F11R: variants seen among roughly 807,000 people sequenced by gnomAD.
F11R encodes F11 receptor, also known as junctional adhesion molecule A.
A neutral mutation model predicts 39.3 loss-of-function variants in F11R; 27 were observed. That is an observed-to-expected ratio of 0.69 (90% CI 0.51 to 0.95). F11R has a LOEUF of 0.95. Ranked by LOEUF, F11R falls within the 40% of genes least tolerant of loss-of-function variation. The pLI is 0.00. For synonymous variants in F11R, 131 were observed against 144.9 expected (o/e 0.90, Z 0.69); for missense variants, 335 against 372.7 (o/e 0.90, Z 0.83).
intron 1 of F11R, among the ~76,000 whole-genome samples, chr1:161,014,248 T>G (rs1443877277): frequency 6.6e-6 from 1 of 152,214 alleles, no homozygotes; most frequent in Non-Finnish European, 1.5e-5. Context: ...GATAAACAAG[T>G]CTCATTATTA....
chr1:161,015,407 A>AAATATATAT (rs571469825), intron 1 of F11R, among the ~76,000 whole-genome samples: 6 of 136,136 alleles, frequency 4.4e-5, no homozygotes, highest in Non-Finnish European at 7.8e-5. Flanking sequence ...CAAAAAAAAA[A>AAATATATAT]ATATATATAT....
In F11R at chr1:160,998,249, CACA is replaced by C. The variant is rs1315226807; in HGVS notation, c.*619_*621del. 6.5e-6 allele frequency: 1 copy of C among 153,274 alleles called. No individual in the cohort carries two copies. The highest frequency in any genetic ancestry group is 1.9e-4 in the East Asian group (1 of 5,330). 9.5% of individuals were successfully genotyped at this position (153,274 alleles called of 1,614,324 possible). ...TTCTCTGAAAATTTACTATGCTCTCCACAACAAGAGCTCCCATTTTCCACAGAC... is the reference window on the plus strand; with the variant it reads ...TTCTCTGAAAATTTACTATGCTCTCCACAAGAGCTCCCATTTTCCACAGAC... On this transcript the variant is annotated 3_prime_UTR_variant, in exon 10 of 10. Transcript: ENST00000368026.
chr1:161,015,407 A>AAAAATATATAT (rs571469825), intron 1 of F11R, among the ~76,000 whole-genome samples: 2 of 136,136 alleles, frequency 1.5e-5, no homozygotes, highest in Non-Finnish European at 3.1e-5. Context: ...CAAAAAAAAA[A>AAAAATATATAT]ATATATATAT....
In F11R at chr1:160,996,376, TCA is replaced by T. The variant is rs1648122286; in HGVS notation, c.*2493_*2494del. The T allele has an allele frequency of 6.6e-6, 1 of 152,324 alleles. No individual in the cohort carries two copies. The highest frequency in any genetic ancestry group is 2.4e-5 in the African/African-American group (1 of 41,454). 9.4% of individuals were successfully genotyped at this position (152,324 alleles called of 1,614,324 possible). On this transcript the variant is annotated 3_prime_UTR_variant, in exon 10 of 10. Transcript: ENST00000368026. ...CAATAAGGAACCATTCACCTCAAAT[TCA>T]CAGAGCCATGAATCACCTCTGCTTC...
chr1:161,016,648 CTCCG>C (rs1165089005), intron 1 of F11R, among the ~76,000 whole-genome samples: 1 of 151,418 alleles, frequency 6.6e-6, no homozygotes, highest in African/African-American at 2.4e-5. Flanking sequence ...CAGAATGAGA[CTCCG>C]TCTCAAAAAA....
chr1:161,004,896 C>T (rs144352312), intron 1 of F11R, among the ~76,000 whole-genome samples: 41 of 152,002 alleles, frequency 2.7e-4, no homozygotes, highest in African/African-American at 9.7e-4. Context: ...CACGGTAGCT[C>T]ACACCTGTAA....
In F11R at chr1:160,997,109, C is replaced by T. The variant is rs1238548378; in HGVS notation, c.*1762G>A. 6.6e-6 allele frequency: 1 copy of T among 152,174 alleles called. No individual in the cohort carries two copies. Among genetic ancestry groups the T allele is most frequent in the African/African-American group, 2.4e-5 (1 of 41,382 alleles). The allele number at this position is 152,174 out of a possible 1,614,324, so 9.4% of individuals were successfully genotyped here. Reference sequence around the variant, plus strand: ...TGGTGGATGGTGGTAGATGGAGAAACAAAAATGTAAGGGCAGAGAAGGGTC... The same window carrying T: ...TGGTGGATGGTGGTAGATGGAGAAATAAAAATGTAAGGGCAGAGAAGGGTC... On this transcript the variant is annotated 3_prime_UTR_variant, in exon 10 of 10. Coordinates refer to ENST00000368026, the MANE Select transcript of F11R (RefSeq NM_016946.6).
chr1:161,020,897 G>C (rs1465775952), intron 1 of F11R, 113 bp downstream of exon 1: 9 of 906,172 alleles, frequency 9.9e-6, no homozygotes, highest in South Asian at 4.0e-5. Context: ...TTCGCAGAAC[G>C]ATATAGGAAG....
At chr1:161,011,506 G>A (rs1255274033) in intron 1 of F11R, among the ~76,000 whole-genome samples, 4 of 152,050 alleles carry the variant, frequency 2.6e-5, no homozygotes, top group South Asian at 2.1e-4. Context: ...CTGAGAGGCC[G>A]AGACAGGTGG....
At chr1:161,012,636 A>ATTTG (rs1437713377) in intron 1 of F11R, among the ~76,000 whole-genome samples, 1 of 151,064 alleles carries the variant, frequency 6.6e-6, no homozygotes, top group Admixed American at 6.6e-5. Context: ...TTATTTATTT[A>ATTTG]TTTTGAGACA....
At chr1:161,000,890 G>T (rs531565186) in intron 3 of F11R, 113 bp from the exon 4 acceptor site, 25 of 1,489,070 alleles carry the variant, frequency 1.7e-5, no homozygotes, top group Non-Finnish European at 1.6e-5. Flanking sequence ...AGAAAGGGGG[G>T]TAGGAAGGCC....
Position 161,000,748 on chromosome 1 carries a change from G to T in F11R, c.271C>A (p.Pro91Thr). Residue 91 changes from proline (P) to threonine (T), a missense_variant, in exon 4 of 10, where the codon CCA (proline) becomes ACA (threonine). Transcript: ENST00000368026. ...ASYEDRVTFL[P>T]TGITFKSVTR... ...ACGGACTTGAAGGTGATACCAGTTG[G>T]CAAGAAGGTCACCCGGTCCTCATAG... 1.2e-6 allele frequency: 2 copies of T among 1,614,176 alleles called. No individual in the cohort carries two copies. The highest frequency in any genetic ancestry group is 1.7e-6 in the Non-Finnish European group (2 of 1,180,038).
rs994882093 is a variant in F11R, at chr1:160,996,065, G to A, written c.*2806C>T. On this transcript the variant is annotated 3_prime_UTR_variant, in exon 10 of 10. Coordinates refer to ENST00000368026, the MANE Select transcript of F11R (RefSeq NM_016946.6). Reference sequence around the variant, plus strand: ...CCAATGAAAAAAGCTAAATTAAAACGTAATTATCAAGGTAATGGAAAGATA... The same window carrying A: ...CCAATGAAAAAAGCTAAATTAAAACATAATTATCAAGGTAATGGAAAGATA... The A allele has an allele frequency of 4.6e-5, 7 of 152,190 alleles. No homozygotes were observed. The highest frequency in any genetic ancestry group is 1.9e-4 in the East Asian group (1 of 5,334). 9.4% of individuals were successfully genotyped at this position (152,190 alleles called of 1,614,324 possible).
At chr1:161,020,943 GT>G (rs1649725368) in intron 1 of F11R, 66 bp downstream of exon 1, 1 of 1,430,284 alleles carries the variant, frequency 7.0e-7, no homozygotes, top group Non-Finnish European at 9.9e-7. Context: ...GGCTAGGGGC[GT>G]GGGGAGAGCC....
intron 3 of F11R, 22 bp from the exon 4 acceptor site, chr1:161,000,799 G>T: frequency 6.2e-7 from 1 of 1,614,008 alleles, no homozygotes; most frequent in Non-Finnish European, 8.5e-7. Context: ...GGAGGCAAGA[G>T]CAAGGACAGA....
intron 1 of F11R, among the ~76,000 whole-genome samples, chr1:161,018,146 G>A (rs1286171567): frequency 2.6e-5 from 4 of 152,160 alleles, no homozygotes; most frequent in Admixed American, 6.5e-5. Context: ...CTAGTACTCT[G>A]GGTCATCAGT....
chr1:161,015,084 A>C (rs1649378570), intron 1 of F11R, among the ~76,000 whole-genome samples: 1 of 146,270 alleles, frequency 6.8e-6, no homozygotes, highest in South Asian at 2.2e-4. Context: ...TCTCAAAAAA[A>C]AAAAATTAAA....
At chr1:161,002,216 C>T (rs190670865) in intron 1 of F11R, among the ~76,000 whole-genome samples, 43 of 147,004 alleles carry the variant, frequency 2.9e-4, no homozygotes, top group African/African-American at 1.0e-3. Context: ...GAGCCGAGAT[C>T]GCGCCACTGC....
intron 1 of F11R, among the ~76,000 whole-genome samples, chr1:161,014,368 A>T (rs1175963195): frequency 6.6e-6 from 1 of 151,988 alleles, no homozygotes; most frequent in Non-Finnish European, 1.5e-5. Flanking sequence ...GCTGACTTGG[A>T]GGGGGGTGGG....
Sources: allele counts gnomAD v4.1 joint callset (sites outside exome capture counted in the v4.1 genomes callset), GRCh38; gene constraint gnomAD v4.1.1; transcripts MANE v1.5; gene names NCBI Gene and HGNC (gene_info 2026-07-23, HGNC 2026-07-21).